SLC12A2: variants seen among roughly 807,000 people sequenced by gnomAD.
SLC12A2 encodes the protein solute carrier family 12 member 2.
In SLC12A2, 67 loss-of-function variants were observed where a neutral mutation model predicts 136.3. That is an observed-to-expected ratio of 0.49 (90% CI 0.40 to 0.60). The LOEUF (loss-of-function observed/expected upper bound fraction) is 0.60, where lower values mean the gene tolerates loss of function less well. Ranked by LOEUF, SLC12A2 falls within the 20% of genes least tolerant of loss-of-function variation. The pLI, the probability that SLC12A2 is intolerant of heterozygous loss-of-function variation, is 0.00. For synonymous variants in SLC12A2, 619 were observed against 562.9 expected (o/e 1.10, Z -1.41); for missense variants, 1,322 against 1,534.7 (o/e 0.86, Z 2.32).
At chr5:128,157,501 A>G (rs1762901459) in intron 15 of SLC12A2, among the ~76,000 whole-genome samples, 1 of 152,194 alleles carries the variant, frequency 6.6e-6, no homozygotes, top group South Asian at 2.1e-4. Context: ...GAGAGGGCTG[A>G]TATCATGAAG....
rs190573592 is a variant in SLC12A2, at chr5:128,148,813, A to G, written c.1941A>G (p.Lys647=). The G allele has an allele frequency of 1.3e-4, 208 of 1,608,940 alleles. 1 individual carries two copies. The Admixed American group carries it at 2.0e-3, about 15-fold the overall frequency. Residue 647 remains lysine, a synonymous_variant, in exon 12 of 27, where the codon AAA becomes AAG. Transcript: ENST00000262461. The stretch of plus-strand genomic sequence containing the variant: ...AGATGTTTGCTAAAGGTTATGGGAA[A>G]AATAATGAACCTCTTCGTGGCTACA... ...AFQMFAKGYG[K]NNEPLRGYIL...
chr5:128,125,367 G>A (rs984095825), intron 4 of SLC12A2, among the ~76,000 whole-genome samples: 1 of 152,190 alleles, frequency 6.6e-6, no homozygotes, highest in African/African-American at 2.4e-5. Context: ...GGAGAGAGTG[G>A]TAGGTGGCAA....
At chr5:128,097,032 A>C (rs1048269115) in intron 1 of SLC12A2, among the ~76,000 whole-genome samples, 1 of 152,080 alleles carries the variant, frequency 6.6e-6, no homozygotes, top group Non-Finnish European at 1.5e-5. Context: ...TCAATACAAA[A>C]AAAGAGTCAG....
intron 4 of SLC12A2, among the ~76,000 whole-genome samples, chr5:128,128,066 C>G (rs1320384635): frequency 2.0e-5 from 3 of 152,044 alleles, no homozygotes; most frequent in Admixed American, 2.0e-4. Context: ...AAAATACTTT[C>G]TAATTTCGCT....
At chr5:128,126,983 T>TTTTTTTA (rs1761833920) in intron 4 of SLC12A2, among the ~76,000 whole-genome samples, 1 of 136,480 alleles carries the variant, frequency 7.3e-6, no homozygotes, top group African/African-American at 2.9e-5. Flanking sequence ...TTTTTTTTTT[T>TTTTTTTA]TTTTGCATCT....
At chr5:128,158,267 CAG>C (rs1469059608) in intron 16 of SLC12A2, 103 bp downstream of exon 16, 2 of 823,140 alleles carry the variant, frequency 2.4e-6, no homozygotes, top group African/African-American at 1.7e-5. Flanking sequence ...TTGTGTGTCA[CAG>C]GGGTTTGGTG....
At chr5:128,109,473 G>C in intron 1 of SLC12A2, 1 of 501,716 alleles carries the variant, frequency 2.0e-6, no homozygotes, top group Non-Finnish European at 3.7e-6. Flanking sequence ...CATTTCGAGA[G>C]TCCGTCTTGT....
chr5:128,086,388 A>G (rs1760100970), intron 1 of SLC12A2, among the ~76,000 whole-genome samples: 1 of 152,178 alleles, frequency 6.6e-6, no homozygotes, highest in Admixed American at 6.5e-5. Flanking sequence ...AGTTGAAGAA[A>G]TCACCCAACC....
chr5:128,157,235 T>G (rs1739737655), intron 15 of SLC12A2, among the ~76,000 whole-genome samples: 2 of 152,206 alleles, frequency 1.3e-5, no homozygotes, highest in South Asian at 4.1e-4. Flanking sequence ...TGCCAGTCTG[T>G]TTGGACCTAC....
chr5:128,167,043 A>G (rs1308928627), intron 17 of SLC12A2, among the ~76,000 whole-genome samples: 1 of 152,068 alleles, frequency 6.6e-6, no homozygotes, highest in East Asian at 1.9e-4. Flanking sequence ...AATACAATAT[A>G]ACTTTATATT....
chr5:128,162,687 C>A (rs982565197), intron 17 of SLC12A2, among the ~76,000 whole-genome samples: 6 of 152,034 alleles, frequency 3.9e-5, no homozygotes, highest in African/African-American at 1.4e-4. Flanking sequence ...GACAGAAATA[C>A]CATGTCAGTA....
chr5:128,181,144 T>A, intron 23 of SLC12A2, 150 bp downstream of exon 23: 3 of 595,314 alleles, frequency 5.0e-6, no homozygotes, highest in Non-Finnish European at 8.8e-6. Flanking sequence ...TATAACCTTG[T>A]TCTCTTTAGT....
chr5:128,106,314 A>G (rs1383791417), intron 1 of SLC12A2, among the ~76,000 whole-genome samples: 1 of 152,178 alleles, frequency 6.6e-6, no homozygotes, highest in Non-Finnish European at 1.5e-5. Context: ...TATCAGCATA[A>G]TTTATAGTTC....
chr5:128,141,681 G>T, intron 9 of SLC12A2, 149 bp from the exon 10 acceptor site: 1 of 504,954 alleles, frequency 2.0e-6, no homozygotes, highest in Non-Finnish European at 3.2e-6. Context: ...TCAAGGTAAA[G>T]TCTTAATTGT....
At chr5:128,150,874 A>G (rs550779195) in intron 13 of SLC12A2, among the ~76,000 whole-genome samples, 11 of 152,118 alleles carry the variant, frequency 7.2e-5, no homozygotes, top group African/African-American at 2.4e-4. Flanking sequence ...TCCTAGAACC[A>G]GAAAATAAAG....
intron 12 of SLC12A2, 97 bp downstream of exon 12, chr5:128,148,974 T>C: frequency 9.4e-7 from 1 of 1,060,262 alleles, no homozygotes; most frequent in Non-Finnish European, 1.3e-6. Flanking sequence ...CTTGGTATAC[T>C]AAGTTTCTTT....
At chr5:128,141,295 T>G (rs994212623) in intron 9 of SLC12A2, among the ~76,000 whole-genome samples, 1 of 152,192 alleles carries the variant, frequency 6.6e-6, no homozygotes, top group Non-Finnish European at 1.5e-5. Context: ...AAGCAAATCT[T>G]AGATACCATG....
chr5:128,177,265 G>T (rs1763567732), intron 21 of SLC12A2, 113 bp downstream of exon 21: 2 of 699,972 alleles, frequency 2.9e-6, no homozygotes, highest in African/African-American at 3.8e-5. Flanking sequence ...GTGAGGTAAT[G>T]TTACAGTTCT....
At chr5:128,126,966 A>ATATATAATTTTTTTT in intron 4 of SLC12A2, among the ~76,000 whole-genome samples, 1 of 21,156 alleles carries the variant, frequency 4.7e-5, no homozygotes, top group Non-Finnish European at 7.7e-5. Flanking sequence ...ATATATATAT[A>ATATATAATTTTTTTT]TTTTTTTTTT....
Sources: allele counts gnomAD v4.1 joint callset (sites outside exome capture counted in the v4.1 genomes callset), GRCh38; gene constraint gnomAD v4.1.1; transcripts MANE v1.5; gene names NCBI Gene and HGNC (gene_info 2026-07-23, HGNC 2026-07-21).